Variants in CFAP61 observed in about 807,000 individuals in gnomAD.
The protein encoded by CFAP61 is cilia and flagella associated protein 61, also known as cilia- and flagella-associated protein 61.
CFAP61 carries 107 observed loss-of-function variants against 135.6 expected under a neutral mutation model. That is an observed-to-expected ratio of 0.79 (90% CI 0.67 to 0.93). CFAP61 has a LOEUF of 0.93. Among genes scored for constraint, CFAP61 ranks in the 40% least tolerant of loss-of-function variants. CFAP61 has a pLI of 0.00. For missense variants in CFAP61, 1,507 were observed against 1,556.2 expected, an observed-to-expected ratio of 0.97 and a Z score of 0.53; for synonymous variants, 575 against 578.5, an observed-to-expected ratio of 0.99 and a Z score of 0.09.
At chr20:20,265,524 C>G in intron 21 of CFAP61, 1 of 779,262 alleles carries the variant, frequency 1.3e-6, no homozygotes, top group South Asian at 1.3e-5. Context: ...AAGACTGACT[C>G]CCAGCAGCCA....
chr20:20,333,553 GC>G lies in CFAP61; in HGVS notation c.3423-8275del. 2.0e-5 allele frequency among the ~76,000 whole-genome samples: 3 copies of G among 152,348 alleles called. No homozygotes were observed. In the Middle Eastern group the frequency reaches 0.01, roughly 518 times the overall value. Reference sequence around the variant, plus strand: ...ATCCTGAGAATGGATCACCAACTCAGCCCATATGTGTGGCTTCCCACTCCTT... The same window carrying G: ...ATCCTGAGAATGGATCACCAACTCAGCCATATGTGTGGCTTCCCACTCCTT... On this transcript the variant is annotated intron_variant, in intron 25 of 26. Transcript: ENST00000245957.
At chr20:20,299,228 A>G (rs1160896208) in intron 25 of CFAP61, among the ~76,000 whole-genome samples, 3 of 152,254 alleles carry the variant, frequency 2.0e-5, no homozygotes, top group African/African-American at 7.2e-5. Flanking sequence ...AAAGTACTGG[A>G]AATCTATGGG....
In CFAP61 at chr20:20,128,188, G is replaced by T. The variant is rs551270585; in HGVS notation, c.860-14669G>T. 5.9e-5 allele frequency among the ~76,000 whole-genome samples: 9 copies of T among 151,834 alleles called. 1 individual carries two copies. Among genetic ancestry groups the T allele is most frequent in the African/African-American group, 1.9e-4 (8 of 41,144 alleles). On this transcript the variant is annotated intron_variant, in intron 8 of 26. Transcript: ENST00000245957. The stretch of plus-strand genomic sequence containing the variant: ...CACTGGATTCATGCCCTCTGCCCGA[G>T]TTCTGGCCAGGAGGCTTCTCACCAC...
intron 14 of CFAP61, among the ~76,000 whole-genome samples, chr20:20,190,584 C>CCA (rs1026555954): frequency 1.7e-4 from 25 of 151,310 alleles, no homozygotes; most frequent in Non-Finnish European, 2.5e-4. Context: ...ACTTCATACA[C>CCA]CACACACACA....
intron 13 of CFAP61, among the ~76,000 whole-genome samples, chr20:20,171,045 G>A (rs1470260585): frequency 6.6e-6 from 1 of 152,160 alleles, no homozygotes; most frequent in Admixed American, 6.5e-5. Context: ...CTAGTCCACA[G>A]TCCACACAGC....
intron 24 of CFAP61, among the ~76,000 whole-genome samples, chr20:20,292,103 C>G (rs1339919973): frequency 6.6e-6 from 1 of 152,160 alleles, no homozygotes; most frequent in Admixed American, 6.5e-5. Flanking sequence ...GGTTCTTCAC[C>G]CTTCAGGAAA....
intron 12 of CFAP61, among the ~76,000 whole-genome samples, chr20:20,168,857 T>C (rs921405804): frequency 2.6e-5 from 4 of 152,198 alleles, no homozygotes; most frequent in Non-Finnish European, 5.9e-5. Flanking sequence ...CATTGGTTTA[T>C]GGATAATCAC....
chr20:20,308,638 A>G (rs1395683890), intron 25 of CFAP61, among the ~76,000 whole-genome samples: 1 of 152,156 alleles, frequency 6.6e-6, no homozygotes, highest in Non-Finnish European at 1.5e-5. Flanking sequence ...TCCCTGCCAG[A>G]GTTATGAAGA....
chr20:20,217,311 G>A (rs1237983738), intron 17 of CFAP61, among the ~76,000 whole-genome samples: 3 of 152,222 alleles, frequency 2.0e-5, no homozygotes, highest in African/African-American at 7.2e-5. Flanking sequence ...CTAAGTCAGA[G>A]ATACAATTGG....
intron 17 of CFAP61, among the ~76,000 whole-genome samples, chr20:20,204,429 G>T (rs1447560464): frequency 6.6e-6 from 1 of 152,126 alleles, no homozygotes; most frequent in Non-Finnish European, 1.5e-5. Flanking sequence ...GATCTCTCAG[G>T]AAGATGTCAC....
At chr20:20,273,423 G>T (rs2053513444) in intron 21 of CFAP61, among the ~76,000 whole-genome samples, 1 of 152,122 alleles carries the variant, frequency 6.6e-6, no homozygotes, top group African/African-American at 2.4e-5. Flanking sequence ...CCCATTCTGT[G>T]ACTGGATAGT....
intron 13 of CFAP61, among the ~76,000 whole-genome samples, chr20:20,180,101 A>G (rs1323434844): frequency 6.6e-6 from 1 of 152,202 alleles, no homozygotes; most frequent in East Asian, 1.9e-4. Context: ...AATGGAAGAA[A>G]AGTTTTGCAA....
intron 25 of CFAP61, among the ~76,000 whole-genome samples, chr20:20,337,103 G>C (rs907935516): frequency 1.3e-5 from 2 of 152,258 alleles, no homozygotes; most frequent in African/African-American, 4.8e-5. Context: ...AAAAGTTTAC[G>C]TGGAAGCATA....
At chr20:20,125,143 A>C (rs2049969160) in intron 8 of CFAP61, among the ~76,000 whole-genome samples, 1 of 151,466 alleles carries the variant, frequency 6.6e-6, no homozygotes, top group Non-Finnish European at 1.5e-5. Flanking sequence ...ATGGTCTGTC[A>C]ATTTTATTTA....
chr20:20,238,611 C>T (rs1237755534), intron 18 of CFAP61, among the ~76,000 whole-genome samples: 3 of 152,222 alleles, frequency 2.0e-5, no homozygotes, highest in Non-Finnish European at 4.4e-5. Flanking sequence ...AACTAGCGAT[C>T]GCCTAGCAGG....
chr20:20,185,170 TCTTA>T (rs928443291), intron 13 of CFAP61, among the ~76,000 whole-genome samples: 3 of 152,216 alleles, frequency 2.0e-5, no homozygotes, highest in Non-Finnish European at 2.9e-5. Flanking sequence ...ATCTTATGTA[TCTTA>T]CTTTATGCAT....
At chr20:20,256,155 G>C (rs904229091) in intron 20 of CFAP61, among the ~76,000 whole-genome samples, 1 of 152,162 alleles carries the variant, frequency 6.6e-6, no homozygotes, top group Non-Finnish European at 1.5e-5. Flanking sequence ...AAGTTGCCAA[G>C]TGACTCCTGT....
intron 23 of CFAP61, 32 bp downstream of exon 23, chr20:20,288,968 A>G (rs781129364): frequency 1.3e-6 from 2 of 1,561,750 alleles, no homozygotes; most frequent in Non-Finnish European, 1.8e-6. Context: ...TCCTTGATGA[A>G]GCCACAGATT....
At chr20:20,057,098 C>G (rs2044408580) in intron 2 of CFAP61, among the ~76,000 whole-genome samples, 1 of 137,216 alleles carries the variant, frequency 7.3e-6, no homozygotes, top group Non-Finnish European at 1.5e-5. Flanking sequence ...GCCTGGATGA[C>G]AGAGCGGACC....
Sources: gnomAD v4.1 joint callset for allele counts (sites outside exome capture counted in the v4.1 genomes callset) on GRCh38, gnomAD v4.1.1 for gene constraint, MANE v1.5 for transcripts, NCBI Gene and HGNC (gene_info 2026-07-23, HGNC 2026-07-21) for gene names.